Variants in UNC5B observed in about 807,000 individuals in gnomAD.
UNC5B encodes the protein unc-5 netrin receptor B, also known as netrin receptor UNC5B.
Under a neutral mutation model 103.7 loss-of-function variants are expected in UNC5B, and 56 were observed. That is an observed-to-expected ratio of 0.54 (90% CI 0.44 to 0.67). The LOEUF (loss-of-function observed/expected upper bound fraction) is 0.67. Among genes scored for constraint, UNC5B ranks in the 30% least tolerant of loss-of-function variants. UNC5B has a pLI of 0.00. For missense variants in UNC5B, 1,194 were observed against 1,284.5 expected (o/e 0.93, Z 1.08); for synonymous variants, 577 against 542.0 (o/e 1.06, Z -0.90).
chr10:71,244,089 G>C (rs999145347), intron 1 of UNC5B, among the ~76,000 whole-genome samples: 1 of 152,252 alleles, frequency 6.6e-6, no homozygotes, highest in African/African-American at 2.4e-5. Context: ...CTATTCTGCT[G>C]TATCTAGTAC....
intron 1 of UNC5B, among the ~76,000 whole-genome samples, chr10:71,231,383 A>C (rs1843679977): frequency 6.6e-6 from 1 of 152,110 alleles, no homozygotes; most frequent in Admixed American, 6.5e-5. Context: ...GCTCCTTGTC[A>C]TCCAGGTCTC....
intron 1 of UNC5B, among the ~76,000 whole-genome samples, chr10:71,269,815 G>GAGATAGCACAGGGAGGA (rs926268864): frequency 3.3e-5 from 5 of 152,188 alleles, no homozygotes; most frequent in Admixed American, 2.0e-4. Flanking sequence ...AGGCATTGGG[G>GAGATAGCACAGGGAGGA]AGATAGCACA....
intron 2 of UNC5B, among the ~76,000 whole-genome samples, chr10:71,283,833 C>T (rs1298063179): frequency 6.6e-6 from 1 of 152,124 alleles, no homozygotes; most frequent in Non-Finnish European, 1.5e-5. Flanking sequence ...ATTGAGAGAT[C>T]AGGGGCTCCC....
chr10:71,227,460 T>A (rs1007932084), intron 1 of UNC5B, among the ~76,000 whole-genome samples: 1 of 151,870 alleles, frequency 6.6e-6, no homozygotes, highest in Admixed American at 6.6e-5. Context: ...ACACATTGGG[T>A]ACAGTGTGCA....
At chr10:71,291,381 G>T in intron 9 of UNC5B, 51 bp from the exon 10 acceptor site, 5 of 1,537,376 alleles carry the variant, frequency 3.3e-6, no homozygotes, top group Non-Finnish European at 3.5e-6. Flanking sequence ...TGGGAGCTGG[G>T]CCAGTGAGCT....
At chr10:71,277,688 ATGTATCCC>A (rs1185137274) in intron 1 of UNC5B, among the ~76,000 whole-genome samples, 3 of 152,184 alleles carry the variant, frequency 2.0e-5, no homozygotes, top group Admixed American at 6.5e-5. Context: ...CCTATAGTGA[ATGTATCCC>A]TGTACCTGGC....
At chr10:71,227,703 C>T (rs981506369) in intron 1 of UNC5B, among the ~76,000 whole-genome samples, 1,600 of 109,894 alleles carry the variant, frequency 0.015, 92 homozygotes, top group African/African-American at 0.061. Flanking sequence ...TATATACACA[C>T]ATATACACAC....
chr10:71,231,276 C>T (rs573165085), intron 1 of UNC5B, among the ~76,000 whole-genome samples: 47 of 152,282 alleles, frequency 3.1e-4, no homozygotes, highest in Non-Finnish European at 5.9e-4. Flanking sequence ...TGGGGGTTGG[C>T]GAGAGTATGG....
intron 11 of UNC5B, among the ~76,000 whole-genome samples, 159 bp from the exon 12 acceptor site, chr10:71,293,246 T>C (rs1038947858): frequency 2.0e-5 from 3 of 152,208 alleles, no homozygotes; most frequent in Non-Finnish European, 2.9e-5. Context: ...CCATTTTCTT[T>C]GCCTCCTTTG....
In UNC5B at chr10:71,213,318, C is replaced by A. The variant is rs1339469219; in HGVS notation, c.79+254C>A. On this transcript the variant is annotated intron_variant, in intron 1 of 16. Transcript: ENST00000335350. The surrounding 1 kb of genome is among the most constrained non-coding windows in gnomAD (Gnocchi z 4.1). ...GCTCCTGAAAGGGATCCCTTCTTCT[C>A]CCTGGAAGGGGTGTAGGAGTCAGGG... Among the ~76,000 whole-genome samples the A allele has an allele frequency of 6.6e-6, 1 of 152,174 alleles. No individual in the cohort carries two copies. Among genetic ancestry groups the A allele is most frequent in the African/African-American group, 2.4e-5 (1 of 41,432 alleles).
chr10:71,292,351 G>A (rs1845286361), intron 10 of UNC5B, 116 bp from the exon 11 acceptor site: 1 of 858,360 alleles, frequency 1.2e-6, no homozygotes, highest in Admixed American at 2.4e-5. Context: ...CCCTGGCTGG[G>A]GACTACCTGG....
At chr10:71,257,109 C>T (rs943436708) in intron 1 of UNC5B, among the ~76,000 whole-genome samples, 4 of 152,132 alleles carry the variant, frequency 2.6e-5, no homozygotes, top group African/African-American at 7.2e-5. Context: ...TTAAGGGGGA[C>T]CTGGAAACCC....
chr10:71,215,910 G>T (rs1843321628), intron 1 of UNC5B, among the ~76,000 whole-genome samples: 1 of 151,822 alleles, frequency 6.6e-6, no homozygotes, highest in Non-Finnish European at 1.5e-5. Flanking sequence ...ACTCACTGTA[G>T]CAAACACCCA....
chr10:71,242,276 C>T (rs936795942), intron 1 of UNC5B, among the ~76,000 whole-genome samples: 5 of 152,178 alleles, frequency 3.3e-5, no homozygotes, highest in Admixed American at 1.3e-4. Flanking sequence ...AGATGATCTC[C>T]TTTGTAGGGA....
chr10:71,297,031 T>TCTG (rs1845457752), intron 15 of UNC5B, among the ~76,000 whole-genome samples: 66 of 134,978 alleles, frequency 4.9e-4, no homozygotes, highest in Admixed American at 2.7e-3. Context: ...TGCACAGCAC[T>TCTG]GTGGCATAGG....
At chr10:71,248,239 C>G (rs938172536) in intron 1 of UNC5B, among the ~76,000 whole-genome samples, 1 of 152,096 alleles carries the variant, frequency 6.6e-6, no homozygotes, top group Non-Finnish European at 1.5e-5. Context: ...TGAGCTCCCC[C>G]CACTTGCTTC....
chr10:71,296,632 T>G lies in UNC5B; in HGVS notation c.2380T>G (p.Phe794Val), dbSNP rs145620917. Residue 794 changes from phenylalanine (F) to valine (V), a missense_variant, in exon 15 of 17, where the codon TTC (phenylalanine) becomes GTC (valine). Phe to Val is a conservative substitution (Grantham distance 50, BLOSUM62 -1). Transcript: ENST00000335350. ...CAGCCAGAAGGCCCTCCACTGCACT[T>G]TCACCCTGGAGAGGCACAGCTTGGC... ...SGSQKALHCT[F>V]TLERHSLAST... The G allele has an allele frequency of 5.0e-6, 8 of 1,614,018 alleles. No homozygotes were observed. In the African/African-American group the frequency reaches 1.1e-4, roughly 22 times the overall value.
chr10:71,248,753 C>T (rs191550332), intron 1 of UNC5B, among the ~76,000 whole-genome samples: 1 of 152,064 alleles, frequency 6.6e-6, no homozygotes, highest in African/African-American at 2.4e-5. Context: ...CAGGGGTACA[C>T]AGCAGAGGAT....
intron 1 of UNC5B, among the ~76,000 whole-genome samples, chr10:71,224,161 G>A (rs1266563815): frequency 6.6e-6 from 1 of 152,076 alleles, no homozygotes; most frequent in African/African-American, 2.4e-5. Context: ...GCTGGGCACA[G>A]TGACCCCTGC....
Sources: allele counts gnomAD v4.1 joint callset (sites outside exome capture counted in the v4.1 genomes callset), GRCh38; gene constraint gnomAD v4.1.1; non-coding constraint Gnocchi (gnomAD v3.1); transcripts MANE v1.5; gene names NCBI Gene and HGNC (gene_info 2026-07-23, HGNC 2026-07-21).